SDK1: variants seen among roughly 807,000 people sequenced by gnomAD.
SDK1 encodes sidekick cell adhesion molecule 1.
A neutral mutation model predicts 245.5 loss-of-function variants in SDK1; 157 were observed. The observed-to-expected ratio is 0.64, with a 90% CI of 0.56 to 0.73. The LOEUF is 0.73. Ranked by LOEUF, SDK1 falls within the 30% of genes least tolerant of loss-of-function variation. The pLI is 0.00. For synonymous variants in SDK1, 1,647 were observed against 1,278.5 expected, an observed-to-expected ratio of 1.29 and a Z score of -6.15; for missense variants, 3,583 against 3,002.3, an observed-to-expected ratio of 1.19 and a Z score of -4.52.
At position 3,948,251 on chromosome 7, in the gene SDK1, CTTTTTTTTTTT is replaced by C. The variant is rs34746302; in HGVS notation, c.848-2658_848-2648del. Among the ~76,000 whole-genome samples the C allele has an allele frequency of 1.5e-4, 12 of 79,652 alleles. No individual in the cohort carries two copies. In the Admixed American group the frequency reaches 1.7e-3, roughly 11 times the overall value. The allele number at this position is 79,652 out of a possible 152,430, so 52.3% of individuals were successfully genotyped here. ...TGACCTTGTGTGTGTATCACCATTG[CTTTTTTTTTTT>C]TTTTTTTTTTTTTGAGACGGAGTCT... is the stretch of plus-strand genomic sequence containing the variant. On this transcript the variant is annotated intron_variant, in intron 5 of 44. Coordinates refer to ENST00000404826, the MANE Select transcript of SDK1 (RefSeq NM_152744.4).
intron 9 of SDK1, 126 bp from the exon 10 acceptor site, chr7:3,967,192 T>A (rs1782142233): frequency 4.1e-6 from 3 of 737,060 alleles, no homozygotes; most frequent in Non-Finnish European, 7.2e-6. Context: ...CTGAACAGTA[T>A]TCCTTTTGTA....
At chr7:4,237,836 C>G in intron 42 of SDK1, 52 bp downstream of exon 42, 4 of 1,603,472 alleles carry the variant, frequency 2.5e-6, no homozygotes, top group East Asian at 2.2e-5. Context: ...TCAGCCAAAA[C>G]ATAGCGTTCG....
At chr7:4,172,836 CCT>C (rs1562386268) in intron 32 of SDK1, among the ~76,000 whole-genome samples, 4 of 152,170 alleles carry the variant, frequency 2.6e-5, no homozygotes, top group Admixed American at 2.0e-4. Context: ...GGGTGTTCCC[CCT>C]GTGTGTCCTG....
chr7:3,591,958 C>G (rs751299999), intron 1 of SDK1, among the ~76,000 whole-genome samples: 1 of 152,256 alleles, frequency 6.6e-6, no homozygotes. Flanking sequence ...CTCTTAGATG[C>G]CCGGATACAG....
intron 5 of SDK1, among the ~76,000 whole-genome samples, chr7:3,887,959 G>T (rs1369985631): frequency 2.0e-5 from 3 of 152,142 alleles, no homozygotes; most frequent in East Asian, 1.9e-4. Flanking sequence ...TTGTCTGTCT[G>T]ACTGTTTTAC....
chr7:4,071,851 G>T (rs1249126798), intron 20 of SDK1, among the ~76,000 whole-genome samples: 1 of 152,194 alleles, frequency 6.6e-6, no homozygotes, highest in South Asian at 2.1e-4. Context: ...TCTGCAGTCG[G>T]CCATGTTTTG....
intron 1 of SDK1, among the ~76,000 whole-genome samples, chr7:3,400,662 G>A (rs1052595953): frequency 6.6e-6 from 1 of 152,152 alleles, no homozygotes; most frequent in African/African-American, 2.4e-5. Flanking sequence ...GATGGGAGTG[G>A]GGGTTACCTA....
intron 1 of SDK1, among the ~76,000 whole-genome samples, chr7:3,372,775 A>G (rs1162519041): frequency 6.6e-6 from 1 of 152,222 alleles, no homozygotes; most frequent in Non-Finnish European, 1.5e-5. Context: ...ACAGTGTAGG[A>G]GAGCGTGCAT....
intron 1 of SDK1, among the ~76,000 whole-genome samples, chr7:3,544,108 T>G (rs1459802228): frequency 6.6e-6 from 1 of 152,182 alleles, no homozygotes; most frequent in African/African-American, 2.4e-5. Context: ...AGGAAATGCT[T>G]TAGACTACCT....
At chr7:3,537,653 G>A (rs369379276) in intron 1 of SDK1, among the ~76,000 whole-genome samples, 4 of 152,232 alleles carry the variant, frequency 2.6e-5, no homozygotes, top group African/African-American at 9.6e-5. Flanking sequence ...GTCAGATACT[G>A]TTCTAAGCAG....
At position 3,301,524 on chromosome 7, in the gene SDK1, C is replaced by G; in HGVS notation, c.-63C>G. Reference sequence around the variant, plus strand: ...GCGGAGTGGCCGCGCCCGCTCGGAGCCGTCCCGCCTGTCCTGCCCGCCCGT... The same window carrying G: ...GCGGAGTGGCCGCGCCCGCTCGGAGGCGTCCCGCCTGTCCTGCCCGCCCGT... On this transcript the variant is annotated 5_prime_UTR_variant, in exon 1 of 45. Coordinates refer to ENST00000404826, the MANE Select transcript of SDK1 (RefSeq NM_152744.4). The G allele has an allele frequency of 1.7e-6, 1 of 582,476 alleles. No homozygotes were observed. Among genetic ancestry groups the G allele is most frequent in the South Asian group, 7.5e-5 (1 of 13,346 alleles). 36.1% of individuals were successfully genotyped at this position (582,476 alleles called of 1,614,324 possible).
At chr7:4,187,659 A>T (rs1008946439) in intron 35 of SDK1, among the ~76,000 whole-genome samples, 2 of 152,248 alleles carry the variant, frequency 1.3e-5, no homozygotes, top group Non-Finnish European at 2.9e-5. Context: ...AAACTGAGAC[A>T]CAAAATGTTA....
intron 5 of SDK1, among the ~76,000 whole-genome samples, chr7:3,840,683 T>C (rs946018156): frequency 6.6e-6 from 1 of 152,226 alleles, no homozygotes; most frequent in Non-Finnish European, 1.5e-5. Context: ...CACGGACAAC[T>C]CTGGTCACGG....
chr7:3,957,212 T>G (rs141258142), intron 7 of SDK1, among the ~76,000 whole-genome samples: 286 of 152,188 alleles, frequency 1.9e-3, no homozygotes, highest in Middle Eastern at 0.01. Flanking sequence ...AACACCCTTG[T>G]GCTGATGGAC....
chr7:3,479,918 G>C (rs1583921348), intron 1 of SDK1, among the ~76,000 whole-genome samples: 1 of 150,930 alleles, frequency 6.6e-6, no homozygotes, highest in Non-Finnish European at 1.5e-5. Context: ...TTTTCTCCTA[G>C]TTCTTTCAAT....
intron 14 of SDK1, among the ~76,000 whole-genome samples, chr7:3,993,929 A>G (rs1025915): frequency 0.29 from 44,337 of 152,072 alleles, 6,751 homozygotes; most frequent in African/African-American, 0.37. Flanking sequence ...TCTGCAAGCA[A>G]TGCTCTTGAT....
At chr7:3,818,660 T>C (rs992921311) in intron 4 of SDK1, among the ~76,000 whole-genome samples, 1 of 152,190 alleles carries the variant, frequency 6.6e-6, no homozygotes, top group Non-Finnish European at 1.5e-5. Flanking sequence ...TTATCACGGT[T>C]CAACAGGAAG....
chr7:4,082,967 C>A (rs116414670), intron 22 of SDK1, among the ~76,000 whole-genome samples: 1 of 151,988 alleles, frequency 6.6e-6, no homozygotes, highest in African/African-American at 2.4e-5. Context: ...CACTCAGATT[C>A]CCCCAAATTT....
intron 12 of SDK1, among the ~76,000 whole-genome samples, chr7:3,973,657 C>A (rs1315083440): frequency 6.6e-6 from 1 of 151,876 alleles, no homozygotes; most frequent in African/African-American, 2.4e-5. Context: ...ACACTCTTGT[C>A]CTCCAGGAGC....
Sources: gnomAD v4.1 joint callset for allele counts (sites outside exome capture counted in the v4.1 genomes callset) on GRCh38, gnomAD v4.1.1 for gene constraint, MANE v1.5 for transcripts, NCBI Gene and HGNC (gene_info 2026-07-23, HGNC 2026-07-21) for gene names.